DPYD: variants seen among roughly 807,000 people sequenced by gnomAD.
DPYD encodes dihydropyrimidine dehydrogenase, also known as dihydropyrimidine dehydrogenase [NADP(+)].
DPYD carries 109 observed loss-of-function variants against 116.2 expected under a neutral mutation model. That is an observed-to-expected ratio of 0.94 (90% CI 0.80 to 1.10). DPYD has a LOEUF of 1.10. Ranked by LOEUF, DPYD falls within the 50% of genes least tolerant of loss-of-function variation. The pLI is 0.00. For missense variants in DPYD, 1,302 were observed against 1,254.5 expected (o/e 1.04, Z -0.57); for synonymous variants, 440 against 432.0 (o/e 1.02, Z -0.23).
chr1:97,215,296 T>A (rs938476610), intron 19 of DPYD, among the ~76,000 whole-genome samples: 4 of 152,212 alleles, frequency 2.6e-5, no homozygotes, highest in African/African-American at 9.6e-5. Flanking sequence ...AACAATTTGA[T>A]GCATTTTCAT....
At chr1:97,591,334 T>C (rs1044436232) in intron 10 of DPYD, among the ~76,000 whole-genome samples, 1 of 152,222 alleles carries the variant, frequency 6.6e-6, no homozygotes, top group African/African-American at 2.4e-5. Context: ...AGTTTATTTG[T>C]TTAATTATTG....
chr1:97,287,656 G>A (rs1457221138), intron 18 of DPYD, among the ~76,000 whole-genome samples: 4 of 152,112 alleles, frequency 2.6e-5, no homozygotes, highest in East Asian at 1.9e-4. Flanking sequence ...CCCCAGCCTC[G>A]CTGCCGCCTT....
At chr1:97,382,299 T>C in intron 15 of DPYD, 94 bp downstream of exon 15, 1 of 649,684 alleles carries the variant, frequency 1.5e-6, no homozygotes, top group Non-Finnish European at 2.5e-6. Context: ...CAGTTTTACT[T>C]CTACTGTATT....
intron 8 of DPYD, among the ~76,000 whole-genome samples, chr1:97,652,337 T>C (rs1188906280): frequency 6.6e-6 from 1 of 152,210 alleles, no homozygotes; most frequent in Admixed American, 6.5e-5. Context: ...TCTGACCTGA[T>C]AATGAATTCA....
At chr1:97,740,788 T>C (rs779342886) in intron 3 of DPYD, among the ~76,000 whole-genome samples, 1 of 152,210 alleles carries the variant, frequency 6.6e-6, no homozygotes. Context: ...TGTTTCATCC[T>C]TCACTATGCT....
intron 16 of DPYD, among the ~76,000 whole-genome samples, chr1:97,334,392 T>C (rs1055762638): frequency 3.3e-5 from 5 of 152,288 alleles, no homozygotes; most frequent in South Asian, 4.1e-4. Flanking sequence ...TGGGGTATGG[T>C]TGAAGTTATA....
At chr1:97,819,764 A>G (rs1034216) in intron 3 of DPYD, among the ~76,000 whole-genome samples, 122,398 of 151,896 alleles carry the variant, frequency 0.81, 49,418 homozygotes, top group East Asian at 0.98. Flanking sequence ...GAATTCCATA[A>G]AATTTCCTTA....
At chr1:97,329,752 TA>T (rs10719278) in intron 16 of DPYD, among the ~76,000 whole-genome samples, 38,582 of 127,074 alleles carry the variant, frequency 0.3, 5,734 homozygotes, top group Middle Eastern at 0.36. Context: ...AACTCCATCT[TA>T]AAAAAAAAAA....
At chr1:97,730,960 A>C (rs953124290) in intron 4 of DPYD, among the ~76,000 whole-genome samples, 4 of 152,250 alleles carry the variant, frequency 2.6e-5, no homozygotes, top group African/African-American at 9.6e-5. Flanking sequence ...GCAAATGAGA[A>C]TCTTTAAGTT....
At chr1:97,527,259 T>A (rs1045101499) in intron 12 of DPYD, among the ~76,000 whole-genome samples, 4 of 151,870 alleles carry the variant, frequency 2.6e-5, no homozygotes, top group Non-Finnish European at 4.4e-5. Flanking sequence ...TTGTATTTTT[T>A]GTAGAGACAG....
intron 20 of DPYD, among the ~76,000 whole-genome samples, chr1:97,165,519 T>G (rs904466399): frequency 2.0e-5 from 3 of 151,722 alleles, no homozygotes; most frequent in African/African-American, 4.8e-5. Context: ...TGGGCAAAGA[T>G]TTCATGACGA....
At chr1:97,560,363 C>T (rs1341920214) in intron 11 of DPYD, among the ~76,000 whole-genome samples, 1 of 151,872 alleles carries the variant, frequency 6.6e-6, no homozygotes, top group African/African-American at 2.4e-5. Flanking sequence ...AGATTGATGA[C>T]GTGGAGGTCA....
chr1:97,832,048 TG>T (rs1669565753), intron 2 of DPYD, among the ~76,000 whole-genome samples: 3 of 115,958 alleles, frequency 2.6e-5, no homozygotes, highest in Non-Finnish European at 5.3e-5. Context: ...TAATGTATTG[TG>T]TGTGTGTGTG....
chr1:97,466,120 A>T (rs1677308689), intron 13 of DPYD, among the ~76,000 whole-genome samples: 1 of 152,230 alleles, frequency 6.6e-6, no homozygotes, highest in African/African-American at 2.4e-5. Flanking sequence ...ACATAAATTG[A>T]TTGAGACATG....
chr1:97,284,885 T>C (rs1443048644), intron 18 of DPYD, among the ~76,000 whole-genome samples: 3 of 152,200 alleles, frequency 2.0e-5, no homozygotes, highest in Non-Finnish European at 4.4e-5. Context: ...TTTGATTCTG[T>C]ATTGTCTTTC....
intron 8 of DPYD, among the ~76,000 whole-genome samples, chr1:97,653,085 T>C (rs1275413840): frequency 1.3e-5 from 2 of 152,300 alleles, no homozygotes; most frequent in East Asian, 3.9e-4. Flanking sequence ...TTATCTATCT[T>C]CTCTGTCCTC....
At chr1:97,173,634 G>C (rs1011117644) in intron 20 of DPYD, among the ~76,000 whole-genome samples, 1 of 150,244 alleles carries the variant, frequency 6.7e-6, no homozygotes, top group Non-Finnish European at 1.5e-5. Context: ...CTACTGCAGT[G>C]CCTGGCATGG....
chr1:97,583,650 C>CTTTTTTTTT, intron 10 of DPYD, among the ~76,000 whole-genome samples: 1 of 132,532 alleles, frequency 7.5e-6, no homozygotes, highest in Non-Finnish European at 1.6e-5. Context: ...CTCGTATTTC[C>CTTTTTTTTT]TTTTTTTTTT....
chr1:97,389,475 C>T (rs1672554192), intron 14 of DPYD, among the ~76,000 whole-genome samples: 1 of 151,914 alleles, frequency 6.6e-6, no homozygotes, highest in African/African-American at 2.4e-5. Flanking sequence ...AGTTGGAACA[C>T]AGATTACAGT....
Sources: allele counts gnomAD v4.1 joint callset (sites outside exome capture counted in the v4.1 genomes callset), GRCh38; gene constraint gnomAD v4.1.1; transcripts MANE v1.5; gene names NCBI Gene and HGNC (gene_info 2026-07-23, HGNC 2026-07-21).